Variants in TRMT11 observed in about 807,000 individuals in gnomAD.
The protein encoded by TRMT11 is tRNA methyltransferase 11, also known as tRNA (guanine(10)-N(2))-methyltransferase TRMT11.
Under a neutral mutation model 62.8 loss-of-function variants are expected in TRMT11, and 53 were observed. The observed-to-expected ratio is 0.84, with a 90% CI of 0.68 to 1.06. The LOEUF is 1.06. Ranked by LOEUF, TRMT11 falls within the 50% of genes least tolerant of loss-of-function variation. TRMT11 has a pLI of 0.00. For missense variants in TRMT11, 556 were observed against 553.4 expected, an observed-to-expected ratio of 1.00 and a Z score of -0.05; for synonymous variants, 188 against 190.3, an observed-to-expected ratio of 0.99 and a Z score of 0.10.
chr6:126,197,327 A>T lies in TRMT11; in HGVS notation n.144-1472A>T, dbSNP rs559781990. 1.3e-3 allele frequency among the ~76,000 whole-genome samples: 203 copies of T among 152,168 alleles called. 2 individuals are homozygous for T. Among genetic ancestry groups the T allele is most frequent in the African/African-American group, 4.7e-3 (193 of 41,494 alleles). On this transcript the variant is annotated intron_variant and non_coding_transcript_variant, in intron 1 of 3. Coordinates refer to the TRMT11 transcript ENST00000444229. ...TTTTAGGATTTATGCCTTAGAAAAA[A>T]ATTTTTTCTGTAATTTCAATGGGAT...
intron 1 of TRMT11, among the ~76,000 whole-genome samples, chr6:126,187,187 T>A (rs1778537074): frequency 6.6e-6 from 1 of 151,944 alleles, no homozygotes. Flanking sequence ...TATTTGTAGA[T>A]GATATGATCA....
At chr6:126,168,731 C>A (rs750123404) in intron 21 of TRMT11, among the ~76,000 whole-genome samples, 1 of 152,150 alleles carries the variant, frequency 6.6e-6, no homozygotes, top group Non-Finnish European at 1.5e-5. Context: ...GTTGGCCAGG[C>A]TGGTCTCAAA....
At chr6:126,187,090 C>A (rs1778536197) in intron 1 of TRMT11, among the ~76,000 whole-genome samples, 1 of 151,974 alleles carries the variant, frequency 6.6e-6, no homozygotes, top group Admixed American at 6.6e-5. Context: ...CATCACTTCT[C>A]TTCCACATTA....
At chr6:126,062,202 A>G (rs934119059) in intron 17 of TRMT11, among the ~76,000 whole-genome samples, 11 of 152,100 alleles carry the variant, frequency 7.2e-5, no homozygotes, top group South Asian at 2.1e-4. Flanking sequence ...TTTCATTTTT[A>G]TTTGCCTAAG....
chr6:126,110,734 A>G (rs1047999451), intron 17 of TRMT11, among the ~76,000 whole-genome samples: 11 of 152,052 alleles, frequency 7.2e-5, no homozygotes, highest in African/African-American at 2.7e-4. Context: ...TTTGGGGTCA[A>G]AGCTTTGTAG....
At chr6:126,138,048 C>T (rs1395085218) in intron 21 of TRMT11, among the ~76,000 whole-genome samples, 7 of 151,700 alleles carry the variant, frequency 4.6e-5, no homozygotes, top group Admixed American at 3.9e-4. Flanking sequence ...TTTGAAAGTA[C>T]AGTAGGAAAA....
At chr6:126,270,412 C>T in the TRMT11 span, among the ~76,000 whole-genome samples, 37 of 152,054 alleles carry the variant, frequency 2.4e-4, no homozygotes, top group African/African-American at 6.0e-4. Flanking sequence ...GGGTTTCTAA[C>T]GAAACATAAT....
At chr6:126,150,314 T>A (rs1327388722) in intron 21 of TRMT11, among the ~76,000 whole-genome samples, 1 of 152,182 alleles carries the variant, frequency 6.6e-6, no homozygotes, top group African/African-American at 2.4e-5. Flanking sequence ...CAACCTTGGA[T>A]GGTCCAGCCT....
chr6:126,041,667 C>A (rs978413621), downstream of TRMT11, among the ~76,000 whole-genome samples: 1 of 151,984 alleles, frequency 6.6e-6, no homozygotes, highest in Non-Finnish European at 1.5e-5. Flanking sequence ...GTTAATAGTT[C>A]TAACAGGAAA....
intron 21 of TRMT11, among the ~76,000 whole-genome samples, chr6:126,124,226 A>G (rs1171673700): frequency 4.6e-5 from 7 of 152,038 alleles, no homozygotes; most frequent in African/African-American, 1.7e-4. Context: ...GGAGATCCCC[A>G]AAATGTCTGT....
At position 126,047,601 on chromosome 6, in the gene TRMT11, G is replaced by A. The variant is rs960155028; in HGVS notation, c.*1370-5522G>A. ...GGTATCAAGAGGGCAAGGTGTAAAAGGCTGTCACCCTGACTCTCCACTGAG... is the reference window on the plus strand; with the variant it reads ...GGTATCAAGAGGGCAAGGTGTAAAAAGCTGTCACCCTGACTCTCCACTGAG... On this transcript the variant is annotated intron_variant and NMD_transcript_variant, in intron 16 of 22. Coordinates refer to the TRMT11 transcript ENST00000648977. Among the ~76,000 whole-genome samples the A allele has an allele frequency of 4.1e-4, 63 of 152,238 alleles. 1 individual carries two copies. The highest frequency in any genetic ancestry group is 1.4e-3 in the African/African-American group (60 of 41,552).
the TRMT11 span, among the ~76,000 whole-genome samples, chr6:126,223,210 A>G: frequency 6.6e-6 from 1 of 152,166 alleles, no homozygotes; most frequent in Admixed American, 6.5e-5. Flanking sequence ...TCACAAGGTC[A>G]GGAGATTGAT....
chr6:126,197,092 T>C (rs1221987380), intron 1 of TRMT11, among the ~76,000 whole-genome samples: 1 of 152,206 alleles, frequency 6.6e-6, no homozygotes, highest in African/African-American at 2.4e-5. Context: ...GTTGTCTATT[T>C]ATTCTTACCT....
chr6:126,238,999 T>A, the TRMT11 span, among the ~76,000 whole-genome samples: 1 of 152,234 alleles, frequency 6.6e-6, no homozygotes, highest in Non-Finnish European at 1.5e-5. Flanking sequence ...TTTGTTGGTT[T>A]AAAGTCTGTT....
At chr6:126,143,269 C>T (rs995687527) in intron 21 of TRMT11, among the ~76,000 whole-genome samples, 1 of 152,018 alleles carries the variant, frequency 6.6e-6, no homozygotes, top group Non-Finnish European at 1.5e-5. Context: ...TCCTATGAAA[C>T]AACTAAGAGT....
chr6:126,247,236 A>G, the TRMT11 span, among the ~76,000 whole-genome samples: 1 of 152,194 alleles, frequency 6.6e-6, no homozygotes, highest in Non-Finnish European at 1.5e-5. Flanking sequence ...TGGCAGAGAG[A>G]GCCCAGACTA....
intron 21 of TRMT11, among the ~76,000 whole-genome samples, chr6:126,150,034 G>A (rs892989552): frequency 6.6e-5 from 10 of 152,128 alleles, no homozygotes; most frequent in African/African-American, 2.4e-4. Context: ...AATCCCTAAT[G>A]TTGCGGTATT....
chr6:126,074,598 T>C (rs577327348), intron 17 of TRMT11, among the ~76,000 whole-genome samples: 14 of 152,284 alleles, frequency 9.2e-5, no homozygotes, highest in African/African-American at 3.4e-4. Context: ...GCAATGTCTG[T>C]TTTTCTACAT....
intron 17 of TRMT11, among the ~76,000 whole-genome samples, chr6:126,086,947 T>G (rs1331490009): frequency 6.6e-6 from 1 of 152,222 alleles, no homozygotes; most frequent in East Asian, 1.9e-4. Context: ...CATGGTATTA[T>G]TCATATTGTG....
Sources: gnomAD v4.1 joint callset for allele counts (sites outside exome capture counted in the v4.1 genomes callset) on GRCh38, gnomAD v4.1.1 for gene constraint, MANE v1.5 for transcripts, NCBI Gene and HGNC (gene_info 2026-07-23, HGNC 2026-07-21) for gene names.